Variants in KLHL29 observed in about 807,000 individuals in gnomAD.
The protein encoded by KLHL29 is kelch like family member 29, also known as kelch-like protein 29.
In KLHL29, 21 loss-of-function variants were observed where a neutral mutation model predicts 80.4. The observed-to-expected ratio is 0.26, with a 90% CI of 0.19 to 0.38. The LOEUF (loss-of-function observed/expected upper bound fraction) is 0.38. Among genes scored for constraint, KLHL29 ranks in the 10% least tolerant of loss-of-function variants. The pLI, the probability that KLHL29 is intolerant of heterozygous loss-of-function variation, is 1.00. For synonymous variants in KLHL29, 511 were observed against 526.8 expected (o/e 0.97, Z 0.41); for missense variants, 867 against 1,223.9 (o/e 0.71, Z 4.35).
At chr2:23,560,974 G>A (rs576043756) in intron 2 of KLHL29, among the ~76,000 whole-genome samples, 3 of 152,338 alleles carry the variant, frequency 2.0e-5, no homozygotes, top group Admixed American at 1.3e-4. Context: ...GGGCTGAGCT[G>A]GACTGGCAGG....
chr2:23,445,971 G>A (rs148596584), intron 1 of KLHL29, among the ~76,000 whole-genome samples: 239 of 152,208 alleles, frequency 1.6e-3, no homozygotes, highest in African/African-American at 5.6e-3. Flanking sequence ...TTCTAAATTA[G>A]AGAGATTAAG....
At chr2:23,454,095 G>A (rs1663969143) in intron 1 of KLHL29, among the ~76,000 whole-genome samples, 1 of 152,232 alleles carries the variant, frequency 6.6e-6, no homozygotes, top group Non-Finnish European at 1.5e-5. Context: ...TGTGTCAGCT[G>A]ATGGCTACTT....
At chr2:23,659,261 C>T (rs1046195225) in intron 5 of KLHL29, among the ~76,000 whole-genome samples, 1 of 152,214 alleles carries the variant, frequency 6.6e-6, no homozygotes, top group African/African-American at 2.4e-5. Flanking sequence ...GGGGGACTTA[C>T]TGAGCTTATT....
At chr2:23,660,264 C>T (rs1165315035) in intron 5 of KLHL29, among the ~76,000 whole-genome samples, 1 of 152,216 alleles carries the variant, frequency 6.6e-6, no homozygotes, top group Non-Finnish European at 1.5e-5. Context: ...TGACATCACA[C>T]CTGGCTTTAC....
chr2:23,542,762 C>T lies in KLHL29; in HGVS notation c.-45-19390C>T, dbSNP rs1387880297. The stretch of plus-strand genomic sequence containing the variant: ...GGACCAACTACAAGTTGCTCAGCCC[C>T]GGGGAGTTGAACCTGGAAGATGATC... On this transcript the variant is annotated intron_variant, in intron 2 of 13. Coordinates refer to ENST00000486442, the MANE Select transcript of KLHL29 (RefSeq NM_052920.2). Among the ~76,000 whole-genome samples the T allele has an allele frequency of 2.6e-5, 4 of 152,198 alleles. No individual in the cohort carries two copies. The East Asian group carries it at 7.7e-4, about 29-fold the overall frequency.
rs953617344 is a variant in KLHL29, at chr2:23,696,747, G to A, written c.2105+234G>A. The A allele has an allele frequency of 2.3e-5, 11 of 474,962 alleles. No individual in the cohort carries two copies. Among genetic ancestry groups the A allele is most frequent in the South Asian group, 2.1e-4 (7 of 34,088 alleles). The allele number at this position is 474,962 out of a possible 1,614,324, so 29.4% of individuals were successfully genotyped here. A position where few individuals can be genotyped will look rare whatever the true frequency, so the allele number is the denominator to read the frequency against. On this transcript the variant is annotated intron_variant, in intron 11 of 13. Transcript: ENST00000486442. This position sits in a 1 kb window ranked among gnomAD's most constrained non-coding sequence, Gnocchi z 5.5. ...TTTGCAGTCGCTGAGATGGGAGATGGGGCGCTTCTGTCCCGACAACCCATT... is the reference window on the plus strand; with the variant it reads ...TTTGCAGTCGCTGAGATGGGAGATGAGGCGCTTCTGTCCCGACAACCCATT...
rs566893693 is a variant in KLHL29, at chr2:23,406,771, T to G, written c.-154+20991T>G. 2.0e-5 allele frequency among the ~76,000 whole-genome samples: 3 copies of G among 152,340 alleles called. No homozygotes were observed. In the South Asian group the frequency reaches 6.2e-4, roughly 32 times the overall value. ...TAATATACCAACCTCATGGGGTAGA[T>G]ATGAGACTTATGTGAGATCATGTTT... On this transcript the variant is annotated intron_variant, in intron 1 of 13. Coordinates refer to ENST00000486442, the MANE Select transcript of KLHL29 (RefSeq NM_052920.2).
intron 5 of KLHL29, chr2:23,667,710 G>A (rs1165857056): frequency 1.3e-5 from 2 of 152,622 alleles, no homozygotes; most frequent in South Asian, 2.1e-4. Flanking sequence ...CCACCCCTAG[G>A]ACCCTGAGTT....
At chr2:23,545,275 C>T (rs942118436) in intron 2 of KLHL29, among the ~76,000 whole-genome samples, 5 of 152,220 alleles carry the variant, frequency 3.3e-5, no homozygotes, top group Non-Finnish European at 7.3e-5. Context: ...GAGTCGGGCA[C>T]AAGAGCCTCC....
intron 2 of KLHL29, among the ~76,000 whole-genome samples, chr2:23,536,037 C>A (rs1362777714): frequency 1.3e-5 from 2 of 152,188 alleles, no homozygotes; most frequent in East Asian, 3.8e-4. Flanking sequence ...GACTGCTTAG[C>A]AGAGGATGTG....
At chr2:23,420,359 G>A (rs959536162) in intron 1 of KLHL29, among the ~76,000 whole-genome samples, 7 of 152,108 alleles carry the variant, frequency 4.6e-5, no homozygotes, top group South Asian at 2.1e-4. Context: ...CGTGCAGCCC[G>A]TTGAGCTAAA....
intron 2 of KLHL29, among the ~76,000 whole-genome samples, chr2:23,525,728 C>T (rs1032467314): frequency 1.9e-5 from 1 of 53,620 alleles, no homozygotes; most frequent in East Asian, 7.2e-4. Flanking sequence ...CAGCCCCTGC[C>T]CCCCCCCCCC....
rs559232005 is a variant in KLHL29 at position 23,472,701 on chromosome 2, C to T, written c.-153-2859C>T. 9.7e-4 allele frequency among the ~76,000 whole-genome samples: 148 copies of T among 152,250 alleles called. 1 individual carries two copies. Among genetic ancestry groups the T allele is most frequent in the Non-Finnish European group, 1.6e-3 (110 of 68,036 alleles). Reference sequence around the variant, plus strand: ...TTATGTGTCCTGGGGTTACTCTTCTCGAGTAGTATCTTTGTGGTATTCTCT... The same window carrying T: ...TTATGTGTCCTGGGGTTACTCTTCTTGAGTAGTATCTTTGTGGTATTCTCT... On this transcript the variant is annotated intron_variant, in intron 1 of 13. Coordinates refer to ENST00000486442, the MANE Select transcript of KLHL29 (RefSeq NM_052920.2).
At chr2:23,557,695 G>A (rs1320492380) in intron 2 of KLHL29, among the ~76,000 whole-genome samples, 1 of 152,064 alleles carries the variant, frequency 6.6e-6, no homozygotes, top group Non-Finnish European at 1.5e-5. Context: ...CTGATCCCAA[G>A]CACATCTAGG....
intron 2 of KLHL29, among the ~76,000 whole-genome samples, chr2:23,520,922 C>CAT (rs1666075599): frequency 6.6e-6 from 1 of 151,878 alleles, no homozygotes; most frequent in Non-Finnish European, 1.5e-5. Flanking sequence ...GTTCAGGATG[C>CAT]ATAGTTTCCA....
intron 1 of KLHL29, among the ~76,000 whole-genome samples, chr2:23,412,293 A>G (rs1478834453): frequency 1.3e-5 from 2 of 152,098 alleles, no homozygotes; most frequent in African/African-American, 2.4e-5. Flanking sequence ...GAGAACTAAT[A>G]CAAACAAGTT....
chr2:23,642,994 C>T, intron 5 of KLHL29, 144 bp downstream of exon 5: 4 of 971,272 alleles, frequency 4.1e-6, no homozygotes, highest in Admixed American at 2.0e-5. Context: ...GGAGCCTCCA[C>T]CTGCCCAAGA....
At position 23,597,309 on chromosome 2, in the gene KLHL29, A is replaced by ATGTGTGTGTGTGTGTGTG. The variant is rs1217422868; in HGVS notation, c.285+34848_285+34865dup. ...CTCTCTCTCTCTCATATATATATAT[A>ATGTGTGTGTGTGTGTGTG]TGTGTGTGTGTGTGTGTGTGTGTGT... On this transcript the variant is annotated intron_variant, in intron 3 of 13. Coordinates refer to ENST00000486442, the MANE Select transcript of KLHL29 (RefSeq NM_052920.2). Among the ~76,000 whole-genome samples the ATGTGTGTGTGTGTGTGTG allele has an allele frequency of 7.4e-3, 745 of 100,460 alleles. 13 individuals are homozygous for ATGTGTGTGTGTGTGTGTG. Among genetic ancestry groups the ATGTGTGTGTGTGTGTGTG allele is most frequent in the African/African-American group, 0.029 (700 of 24,512 alleles). The allele number at this position is 100,460 out of a possible 152,430, so 65.9% of individuals were successfully genotyped here.
In KLHL29 at chr2:23,415,042, G is replaced by T. The variant is rs565073715; in HGVS notation, c.-154+29262G>T. 9.8e-5 allele frequency among the ~76,000 whole-genome samples: 15 copies of T among 152,326 alleles called. No homozygotes were observed. In the East Asian group the frequency reaches 2.7e-3, roughly 27 times the overall value. ...TCATACCCAGATCAGGCCCCACAAG[G>T]CCCCACAGCTGCCCTGCTGGTCAGA... is the stretch of plus-strand genomic sequence containing the variant. On this transcript the variant is annotated intron_variant, in intron 1 of 13. Coordinates refer to ENST00000486442, the MANE Select transcript of KLHL29 (RefSeq NM_052920.2).
Sources: gnomAD v4.1 joint callset for allele counts (sites outside exome capture counted in the v4.1 genomes callset) on GRCh38, gnomAD v4.1.1 for gene constraint, Gnocchi (gnomAD v3.1) non-coding constraint, MANE v1.5 for transcripts, NCBI Gene and HGNC (gene_info 2026-07-23, HGNC 2026-07-21) for gene names.